Variants in MILR1 observed in about 807,000 individuals in gnomAD.
MILR1 encodes mast cell immunoglobulin like receptor 1.
MILR1 carries 31 observed loss-of-function variants against 18.5 expected under a neutral mutation model. The observed-to-expected ratio is 1.68, with a 90% CI of 1.26 to 2.26. The LOEUF is 2.26. Among genes scored for constraint, MILR1 ranks in the 30% most tolerant of loss-of-function variants. The pLI, the probability that MILR1 is intolerant of heterozygous loss-of-function variation, is 0.00. For synonymous variants in MILR1, 85 were observed against 56.2 expected, an observed-to-expected ratio of 1.51 and a Z score of -2.30; for missense variants, 257 against 157.4, an observed-to-expected ratio of 1.63 and a Z score of -3.38.
intron 5 of MILR1, 37 bp downstream of exon 5, chr17:64,460,969 G>A (rs1017607657): frequency 8.5e-6 from 4 of 469,732 alleles, no homozygotes; most frequent in East Asian, 6.3e-5. Flanking sequence ...CCGTTTTCCC[G>A]TGGGCTTGGG....
chr17:64,482,504 T>C, the MILR1 span, among the ~76,000 whole-genome samples: 1 of 151,768 alleles, frequency 6.6e-6, no homozygotes, highest in Non-Finnish European at 1.5e-5. Context: ...GTATTTTTAG[T>C]AGATGGGGTT....
the MILR1 span, chr17:64,480,241 C>T: frequency 2.7e-6 from 2 of 746,588 alleles, no homozygotes; most frequent in Non-Finnish European, 4.4e-6. Flanking sequence ...TAAACATAAT[C>T]AAAAACTCTT....
chr17:64,454,177 C>T (rs1468891269), intron 3 of MILR1, among the ~76,000 whole-genome samples: 2 of 151,932 alleles, frequency 1.3e-5, no homozygotes, highest in African/African-American at 4.8e-5. Context: ...GATCCACCCA[C>T]CTCAGCCTCC....
chr17:64,468,459 T>C lies in MILR1; in HGVS notation c.*178T>C, dbSNP rs370712256. The C allele has an allele frequency of 1.6e-5, 6 of 378,436 alleles. No individual in the cohort carries two copies. Among genetic ancestry groups the C allele is most frequent in the East Asian group, 7.7e-5 (1 of 13,060 alleles). 23.4% of individuals were successfully genotyped at this position (378,436 alleles called of 1,614,324 possible). ...GCCCGCTACCACGCCCAGCTAATTTTTGTATTTTTAGTAGAGATGGGGTTT... is the reference window on the plus strand; with the variant it reads ...GCCCGCTACCACGCCCAGCTAATTTCTGTATTTTTAGTAGAGATGGGGTTT... On this transcript the variant is annotated 3_prime_UTR_variant, in exon 10 of 10. Coordinates refer to ENST00000619286, the MANE Select transcript of MILR1 (RefSeq NM_001085423.2).
Position 64,468,574 on chromosome 17 carries a change from C to A in MILR1, c.*293C>A. The A allele has an allele frequency of 8.7e-7, 1 of 1,149,288 alleles. No homozygotes were observed. The highest frequency in any genetic ancestry group is 1.1e-6 in the Non-Finnish European group (1 of 922,650). The allele number at this position is 1,149,288 out of a possible 1,614,324, so 71.2% of individuals were successfully genotyped here. ...AAAGTGCTGGAACTACAAGCCTGAG[C>A]CACCGTGCCCGGCCCTGAATCGCTT... is the stretch of plus-strand genomic sequence containing the variant. On this transcript the variant is annotated 3_prime_UTR_variant, in exon 10 of 10. Coordinates refer to ENST00000619286, the MANE Select transcript of MILR1 (RefSeq NM_001085423.2).
chr17:64,467,038 CTTTCTTTCTTCT>C (rs1279066996), intron 8 of MILR1, among the ~76,000 whole-genome samples: 6 of 140,688 alleles, frequency 4.3e-5, no homozygotes, highest in African/African-American at 8.4e-5. Context: ...TTCTTTCTTT[CTTTCTTTCTTCT>C]TTCTTTCTTT....
chr17:64,492,466 T>C, the MILR1 span, among the ~76,000 whole-genome samples: 1 of 152,190 alleles, frequency 6.6e-6, no homozygotes, highest in African/African-American at 2.4e-5. Context: ...AACAAACACA[T>C]CTGAGCCCAA....
At chr17:64,454,509 C>T (rs888058729) in intron 3 of MILR1, among the ~76,000 whole-genome samples, 2 of 152,298 alleles carry the variant, frequency 1.3e-5, no homozygotes, top group African/African-American at 4.8e-5. Flanking sequence ...CAGATGTAGA[C>T]CATTCCCATC....
chr17:64,491,623 T>TTGATG, the MILR1 span: 1 of 1,518,546 alleles, frequency 6.6e-7, no homozygotes, highest in South Asian at 1.1e-5. Flanking sequence ...CCTAGTGGCC[T>TTGATG]TGATGGAGCG....
At chr17:64,459,421 C>T (rs924166761) in intron 4 of MILR1, among the ~76,000 whole-genome samples, 2 of 151,384 alleles carry the variant, frequency 1.3e-5, no homozygotes, top group Non-Finnish European at 2.9e-5. Context: ...CGTAACAGAG[C>T]GAGACCCTGT....
At chr17:64,485,909 CTTTT>C in the MILR1 span, 1 of 1,609,282 alleles carries the variant, frequency 6.2e-7, no homozygotes, top group Non-Finnish European at 8.5e-7. Context: ...TTTCACAGAA[CTTTT>C]TTTGTTTGTT....
chr17:64,468,997 GAATCGCTTA>G (rs1296912306), downstream of MILR1, among the ~76,000 whole-genome samples: 4 of 152,106 alleles, frequency 2.6e-5, no homozygotes, highest in Admixed American at 2.0e-4. Flanking sequence ...TGAGGCATGA[GAATCGCTTA>G]AATCTGGTAG....
the MILR1 span, chr17:64,490,834 G>A: frequency 6.2e-7 from 1 of 1,613,636 alleles, no homozygotes; most frequent in Non-Finnish European, 8.5e-7. Context: ...ATGTGTAAAA[G>A]TTCGTGATCT....
chr17:64,480,319 A>G, the MILR1 span: 43 of 1,590,236 alleles, frequency 2.7e-5, no homozygotes, highest in Non-Finnish European at 3.4e-5. Context: ...TGAGGACTGC[A>G]TAGTTTCCAA....
the MILR1 span, among the ~76,000 whole-genome samples, chr17:64,491,319 G>A: frequency 6.6e-6 from 1 of 152,270 alleles, no homozygotes; most frequent in Middle Eastern, 3.4e-3. Flanking sequence ...TACTGGCCAG[G>A]CACAGTGGCT....
At chr17:64,466,038 G>C (rs1261444980) in intron 6 of MILR1, among the ~76,000 whole-genome samples, 2 of 152,172 alleles carry the variant, frequency 1.3e-5, no homozygotes, top group Non-Finnish European at 2.9e-5. Context: ...CGCAGGGCTT[G>C]GGAGGCCTCG....
the MILR1 span, among the ~76,000 whole-genome samples, chr17:64,494,366 A>C: frequency 6.6e-6 from 1 of 152,214 alleles, no homozygotes; most frequent in South Asian, 2.1e-4. Flanking sequence ...ACCAAATTTG[A>C]TTACTTGGTT....
the MILR1 span, among the ~76,000 whole-genome samples, chr17:64,475,746 G>C: frequency 6.6e-6 from 1 of 150,532 alleles, no homozygotes; most frequent in East Asian, 1.9e-4. Flanking sequence ...CACCACTTGA[G>C]GTATTAATCA....
the MILR1 span, chr17:64,477,935 T>A: frequency 6.2e-7 from 1 of 1,614,042 alleles, no homozygotes. Flanking sequence ...TAATCCATTC[T>A]CCAAAGTAGT....
Sources: gnomAD v4.1 joint callset for allele counts (sites outside exome capture counted in the v4.1 genomes callset) on GRCh38, gnomAD v4.1.1 for gene constraint, MANE v1.5 for transcripts, NCBI Gene and HGNC (gene_info 2026-07-23, HGNC 2026-07-21) for gene names.